The following SGCZ variants were observed in gnomAD, a reference collection of about 807,000 sequenced individuals.
SGCZ encodes the protein zeta-sarcoglycan.
SGCZ carries 40 observed loss-of-function variants against 41.3 expected under a neutral mutation model. That is an observed-to-expected ratio of 0.97 (90% CI 0.75 to 1.26). The LOEUF is 1.26. SGCZ is among the 50% of genes most tolerant of loss of function. The pLI is 0.00. For synonymous variants in SGCZ, 206 were observed against 137.5 expected (o/e 1.50, Z -3.49); for missense variants, 552 against 369.8 (o/e 1.49, Z -4.04).
chr8:14,637,034 A>G (rs907896742), intron 1 of SGCZ, among the ~76,000 whole-genome samples: 1 of 151,618 alleles, frequency 6.6e-6, no homozygotes, highest in African/African-American at 2.4e-5. Context: ...CCTTCATTGC[A>G]ATCTCCTATT....
intron 1 of SGCZ, among the ~76,000 whole-genome samples, chr8:15,105,189 A>C (rs150309473): frequency 6.6e-6 from 1 of 152,286 alleles, no homozygotes; most frequent in East Asian, 1.9e-4. Context: ...TTTGTCTATT[A>C]ATCCTATCTT....
intron 1 of SGCZ, among the ~76,000 whole-genome samples, chr8:14,958,443 TA>T (rs1800862671): frequency 6.6e-6 from 1 of 152,030 alleles, no homozygotes; most frequent in Admixed American, 6.6e-5. Flanking sequence ...GGTAACATGG[TA>T]AACTCTGAAA....
chr8:14,702,822 TAGATAGATAGATAGATA>T (rs1809193350), intron 1 of SGCZ, among the ~76,000 whole-genome samples: 1 of 9,096 alleles, frequency 1.1e-4, no homozygotes, highest in East Asian at 2.0e-3. Context: ...GGTAGATAGA[TAGATAGATAGATAGATA>T]GATAGATAGA....
chr8:14,358,572 C>A (rs900692041), intron 2 of SGCZ, among the ~76,000 whole-genome samples: 2 of 152,050 alleles, frequency 1.3e-5, no homozygotes, highest in African/African-American at 4.8e-5. Flanking sequence ...TAAATATTAA[C>A]TTAGGAAAAT....
chr8:14,389,671 T>C (rs1355287910), intron 2 of SGCZ, among the ~76,000 whole-genome samples: 4 of 151,874 alleles, frequency 2.6e-5, no homozygotes, highest in African/African-American at 9.7e-5. Flanking sequence ...TATGTTTTAG[T>C]AAGAAGAAAA....
At chr8:14,175,573 T>C (rs1190692329) in intron 4 of SGCZ, among the ~76,000 whole-genome samples, 1 of 152,142 alleles carries the variant, frequency 6.6e-6, no homozygotes, top group Non-Finnish European at 1.5e-5. Flanking sequence ...AAATTTTTAC[T>C]TTTTCTTTTG....
chr8:14,411,924 C>G (rs1474244968), intron 2 of SGCZ, among the ~76,000 whole-genome samples: 4 of 152,044 alleles, frequency 2.6e-5, no homozygotes. Context: ...TGAAGAAATG[C>G]TGAAGGAGGC....
intron 1 of SGCZ, among the ~76,000 whole-genome samples, chr8:15,034,609 C>G (rs568370490): frequency 3.9e-5 from 6 of 152,084 alleles, no homozygotes. Flanking sequence ...ACAGAAAGGT[C>G]AAAGGTCTCC....
chr8:14,447,274 G>C (rs1044352316), intron 2 of SGCZ, among the ~76,000 whole-genome samples: 1 of 152,074 alleles, frequency 6.6e-6, no homozygotes, highest in African/African-American at 2.4e-5. Context: ...ATCTTTTCTT[G>C]CTAAAGTTGC....
intron 1 of SGCZ, among the ~76,000 whole-genome samples, chr8:14,704,443 A>C (rs1809264251): frequency 6.6e-6 from 1 of 152,040 alleles, no homozygotes; most frequent in Non-Finnish European, 1.5e-5. Context: ...AGTTTTTCAA[A>C]AGGCAATATT....
chr8:14,750,274 T>C (rs1021138649), intron 1 of SGCZ, among the ~76,000 whole-genome samples: 1 of 152,006 alleles, frequency 6.6e-6, no homozygotes, highest in Non-Finnish European at 1.5e-5. Flanking sequence ...ATTTAACAAG[T>C]AGTTTTTAAT....
chr8:14,585,847 T>C (rs968277429), intron 1 of SGCZ, among the ~76,000 whole-genome samples: 1 of 152,174 alleles, frequency 6.6e-6, no homozygotes, highest in African/African-American at 2.4e-5. Flanking sequence ...CCATGAACAC[T>C]CAAGAAGTAG....
At chr8:14,136,166 A>G (rs926826743) in intron 5 of SGCZ, among the ~76,000 whole-genome samples, 1 of 152,168 alleles carries the variant, frequency 6.6e-6, no homozygotes. Context: ...ACACTAAAGA[A>G]TCAACTGGAT....
At chr8:14,640,293 C>A (rs1434154747) in intron 1 of SGCZ, among the ~76,000 whole-genome samples, 1 of 151,592 alleles carries the variant, frequency 6.6e-6, no homozygotes, top group Non-Finnish European at 1.5e-5. Flanking sequence ...TGCCTTTGTT[C>A]TTACAAAGTT....
intron 4 of SGCZ, among the ~76,000 whole-genome samples, chr8:14,229,245 T>C (rs532742153): frequency 4.6e-5 from 7 of 152,232 alleles, no homozygotes; most frequent in African/African-American, 1.7e-4. Context: ...CTCTGAGGCA[T>C]TGGTATAATG....
chr8:14,449,231 G>C (rs1327873732), intron 2 of SGCZ, among the ~76,000 whole-genome samples: 3 of 152,224 alleles, frequency 2.0e-5, no homozygotes, highest in Non-Finnish European at 4.4e-5. Flanking sequence ...TTATGCTATA[G>C]TAATGAACTT....
At chr8:14,832,118 G>T (rs1368847822) in intron 1 of SGCZ, among the ~76,000 whole-genome samples, 1 of 152,130 alleles carries the variant, frequency 6.6e-6, no homozygotes, top group African/African-American at 2.4e-5. Context: ...GCCTTCTTAA[G>T]TCACTATTGA....
chr8:14,870,098 C>CA (rs533934731), intron 1 of SGCZ, among the ~76,000 whole-genome samples: 1 of 152,072 alleles, frequency 6.6e-6, no homozygotes, highest in Non-Finnish European at 1.5e-5. Context: ...CATATGGAAC[C>CA]AAAAAAGAGC....
intron 6 of SGCZ, among the ~76,000 whole-genome samples, chr8:14,103,148 G>A (rs1295229121): frequency 6.6e-6 from 1 of 151,920 alleles, no homozygotes; most frequent in Non-Finnish European, 1.5e-5. Flanking sequence ...CAATAGGAGG[G>A]TAATATACAA....
Sources: gnomAD v4.1 joint callset for allele counts (sites outside exome capture counted in the v4.1 genomes callset) on GRCh38, gnomAD v4.1.1 for gene constraint, MANE v1.5 for transcripts, NCBI Gene and HGNC (gene_info 2026-07-23, HGNC 2026-07-21) for gene names.